HDAC9: variants seen among roughly 807,000 people sequenced by gnomAD.
HDAC9 encodes the protein MEF-2 interacting transcription repressor (MITR) protein.
HDAC9 carries 41 observed loss-of-function variants against 139.4 expected under a neutral mutation model. The observed-to-expected ratio is 0.29, with a 90% CI of 0.23 to 0.38. The LOEUF (loss-of-function observed/expected upper bound fraction) is 0.38. HDAC9 is among the 10% of genes least tolerant of loss of function. The probability of loss-of-function intolerance (pLI) is 1.00; values close to 1 mark genes in which losing one functional copy is unlikely to be tolerated. For missense variants in HDAC9, 1,147 were observed against 1,297.0 expected (o/e 0.88, Z 1.78); for synonymous variants, 517 against 476.2 (o/e 1.09, Z -1.12).
At position 18,648,598 on chromosome 7, in the gene HDAC9, C is replaced by T. The variant is rs748442936; in HGVS notation, c.1382C>T (p.Thr461Met). 41 of 1,613,426 alleles carry T rather than the reference C, an allele frequency of 2.5e-5. No individual in the cohort carries two copies. The highest frequency in any genetic ancestry group is 1.8e-4 in the South Asian group (16 of 91,082). ...CAGTCTGCACCTTTGCCTCAGAGCA[C>T]GTTGGCTCAGCTGGTCATTCAACAG... is the stretch of plus-strand genomic sequence containing the variant. ...RTQSAPLPQS[T>M]LAQLVIQQQH... Residue 461 changes from threonine (T) to methionine (M), a missense_variant, in exon 11 of 26, where the codon ACG (threonine) becomes ATG (methionine). Thr to Met is a moderately conservative substitution (Grantham distance 81, BLOSUM62 -1). Coordinates refer to ENST00000686413, the MANE Select transcript of HDAC9 (RefSeq NM_178425.4).
intron 2 of HDAC9, among the ~76,000 whole-genome samples, chr7:18,527,709 T>A (rs2128228256): frequency 6.6e-6 from 1 of 152,292 alleles, no homozygotes; most frequent in East Asian, 1.9e-4. Flanking sequence ...CCTATGATTT[T>A]CTTGTATTAA....
intron 1 of HDAC9, among the ~76,000 whole-genome samples, chr7:18,406,934 G>T (rs1456971325): frequency 1.3e-5 from 2 of 151,836 alleles, no homozygotes; most frequent in African/African-American, 2.4e-5. Context: ...GAAATAATCA[G>T]ATATATCTTC....
intron 2 of HDAC9, among the ~76,000 whole-genome samples, chr7:18,209,996 G>A (rs1178385): frequency 2.7e-5 from 4 of 149,396 alleles, no homozygotes; most frequent in East Asian, 2.0e-4. Flanking sequence ...CACCGCGCCC[G>A]GCCAAGAGAA....
intron 2 of HDAC9, among the ~76,000 whole-genome samples, chr7:18,575,646 G>T (rs769420620): frequency 6.6e-6 from 1 of 152,170 alleles, no homozygotes; most frequent in East Asian, 1.9e-4. Context: ...AAATACTTAC[G>T]CAGTGTTGCC....
intron 1 of HDAC9, among the ~76,000 whole-genome samples, chr7:18,308,519 A>C (rs1330375041): frequency 6.6e-6 from 1 of 152,216 alleles, no homozygotes; most frequent in Non-Finnish European, 1.5e-5. Flanking sequence ...ATTGGATTTT[A>C]CATTTCTTAA....
intron 1 of HDAC9, among the ~76,000 whole-genome samples, chr7:18,143,669 C>G (rs1199827705): frequency 1.3e-5 from 2 of 151,744 alleles, no homozygotes; most frequent in South Asian, 4.2e-4. Context: ...ACCTGTAATC[C>G]CAGCTACTCA....
upstream of HDAC9, among the ~76,000 whole-genome samples, chr7:18,286,472 A>G (rs17663510): frequency 0.025 from 3,722 of 150,796 alleles, 64 homozygotes; most frequent in Middle Eastern, 0.039. Flanking sequence ...CTTATTATGT[A>G]TGATATTTCA....
At chr7:18,603,823 C>T (rs1288896250) in intron 6 of HDAC9, among the ~76,000 whole-genome samples, 1 of 152,028 alleles carries the variant, frequency 6.6e-6, no homozygotes, top group East Asian at 1.9e-4. Context: ...GTATGGCAGG[C>T]CTACAGGCAA....
At chr7:18,953,936 C>G (rs1429680088) in intron 23 of HDAC9, among the ~76,000 whole-genome samples, 1 of 151,936 alleles carries the variant, frequency 6.6e-6, no homozygotes, top group African/African-American at 2.4e-5. Flanking sequence ...GTCTTGTGAC[C>G]AATGGAAAAG....
rs71014394 is a variant in HDAC9, at chr7:18,618,726, G to GTATATATATATATATA, written c.665-10604_665-10589dup. On this transcript the variant is annotated intron_variant, in intron 6 of 25. Coordinates refer to ENST00000686413, the MANE Select transcript of HDAC9 (RefSeq NM_178425.4). ...AAAGATATATCTAGTACAGAATTTTGTATATATATATATATATATATATAT... is the reference window on the plus strand; with the variant it reads ...AAAGATATATCTAGTACAGAATTTTGTATATATATATATATATATATATATATATATATATATATAT... 1.8e-3 allele frequency among the ~76,000 whole-genome samples: 211 copies of GTATATATATATATATA among 120,006 alleles called. 4 individuals are homozygous for GTATATATATATATATA. The highest frequency in any genetic ancestry group is 2.6e-3 in the Non-Finnish European group (146 of 56,262). 78.7% of individuals were successfully genotyped at this position (120,006 alleles called of 152,430 possible).
chr7:18,916,618 T>C (rs796844362), intron 22 of HDAC9, among the ~76,000 whole-genome samples: 107 of 152,012 alleles, frequency 7.0e-4, no homozygotes, highest in African/African-American at 2.5e-3. Flanking sequence ...ATGAGATAGA[T>C]ATAGAAGCTA....
intron 1 of HDAC9, among the ~76,000 whole-genome samples, chr7:18,375,485 C>CAACA (rs1562930928): frequency 6.8e-6 from 1 of 147,154 alleles, no homozygotes; most frequent in African/African-American, 2.5e-5. Flanking sequence ...ACAACAACAA[C>CAACA]AAAAAAAAAA....
At chr7:18,260,006 G>A (rs1439022295) in intron 2 of HDAC9, among the ~76,000 whole-genome samples, 4 of 152,152 alleles carry the variant, frequency 2.6e-5, no homozygotes, top group Admixed American at 2.6e-4. Flanking sequence ...ACAATAGTAT[G>A]AGCCTTTTAG....
chr7:18,851,166 T>C (rs975779811), intron 21 of HDAC9, among the ~76,000 whole-genome samples: 7 of 152,218 alleles, frequency 4.6e-5, no homozygotes, highest in Admixed American at 1.3e-4. Context: ...GAGGAGCAGC[T>C]GAGCTGCAGT....
chr7:18,384,494 A>G (rs1302146801), intron 1 of HDAC9, among the ~76,000 whole-genome samples: 1 of 152,218 alleles, frequency 6.6e-6, no homozygotes, highest in African/African-American at 2.4e-5. Flanking sequence ...GAAGGGAAAC[A>G]TTGGAAACTA....
At chr7:18,249,985 A>G (rs1208725787) in intron 2 of HDAC9, among the ~76,000 whole-genome samples, 1 of 152,220 alleles carries the variant, frequency 6.6e-6, no homozygotes, top group Non-Finnish European at 1.5e-5. Context: ...GTAAATAACC[A>G]TCTAGTGAGA....
chr7:18,358,384 C>T (rs545682072), intron 1 of HDAC9, among the ~76,000 whole-genome samples: 1 of 152,162 alleles, frequency 6.6e-6, no homozygotes, highest in East Asian at 1.9e-4. Flanking sequence ...TTATAAATAG[C>T]TTTTAGCTTA....
rs555461538 is a variant in HDAC9, at chr7:18,950,589, G to A, written c.2938-3557G>A. On this transcript the variant is annotated intron_variant, in intron 23 of 25. Transcript: ENST00000686413. ...TCTTTCATATACAGTCTCCATCTTC[G>A]TCTTTAAATGGCTCACAACAAAATA... Among the ~76,000 whole-genome samples the A allele has an allele frequency of 6.6e-5, 10 of 151,860 alleles. No homozygotes were observed. In the South Asian group the frequency reaches 8.3e-4, roughly 13 times the overall value.
intron 1 of HDAC9, among the ~76,000 whole-genome samples, chr7:18,303,577 G>A (rs1489459740): frequency 6.6e-6 from 1 of 152,120 alleles, no homozygotes; most frequent in East Asian, 1.9e-4. Flanking sequence ...ACGTTGAAAA[G>A]CATAGGTGCT....
Sources: gnomAD v4.1 joint callset for allele counts (sites outside exome capture counted in the v4.1 genomes callset) on GRCh38, gnomAD v4.1.1 for gene constraint, MANE v1.5 for transcripts, NCBI Gene and HGNC (gene_info 2026-07-23, HGNC 2026-07-21) for gene names.